Variants in TAS1R1 observed in about 807,000 individuals in gnomAD.
TAS1R1 encodes taste receptor type 1 member 1.
TAS1R1 carries 31 observed loss-of-function variants against 45.8 expected under a neutral mutation model. That is an observed-to-expected ratio of 0.68 (90% CI 0.51 to 0.91). The LOEUF is 0.91. Ranked by LOEUF, TAS1R1 falls within the 40% of genes least tolerant of loss-of-function variation. The pLI, the probability that TAS1R1 is intolerant of heterozygous loss-of-function variation, is 0.00. For synonymous variants in TAS1R1, 437 were observed against 448.4 expected, an observed-to-expected ratio of 0.97 and a Z score of 0.32; for missense variants, 1,051 against 1,063.9, an observed-to-expected ratio of 0.99 and a Z score of 0.17.
intron 1 of TAS1R1, 106 bp from the exon 2 acceptor site, chr1:6,570,803 T>C: frequency 9.8e-7 from 1 of 1,025,174 alleles, no homozygotes; most frequent in Non-Finnish European, 1.4e-6. Context: ...ACTGGACCGA[T>C]GACCTCAAAG....
In TAS1R1 at chr1:6,578,707, A is replaced by C. The variant is rs1490815422; in HGVS notation, c.1649A>C (p.Gln550Pro). 1 of 1,607,960 alleles carries C rather than the reference A, an allele frequency of 6.2e-7. No individual in the cohort carries two copies. Among genetic ancestry groups the C allele is most frequent in the Non-Finnish European group, 8.5e-7 (1 of 1,176,006 alleles). ...GKEEWAPEGS[Q>P]TCFPRTVVFL... ...GAAGAGTGGGCACCTGAGGGAAGCC[A>C]GACCTGCTTCCCGCGCACTGTGGTG... Residue 550 changes from glutamine to proline, a missense_variant, in exon 6 of 6, where the codon CAG becomes CCG. Transcript: ENST00000333172.
At chr1:6,577,814 G>C (rs1640223927) in intron 5 of TAS1R1, among the ~76,000 whole-genome samples, 2 of 152,104 alleles carry the variant, frequency 1.3e-5, no homozygotes. Context: ...GGCGACAAGA[G>C]AAAAACTCTG....
chr1:6,575,518 T>TTTTGA, intron 3 of TAS1R1, 126 bp downstream of exon 3: 1 of 1,119,624 alleles, frequency 8.9e-7, no homozygotes, highest in Admixed American at 3.3e-5. Flanking sequence ...AGGTTTTTTG[T>TTTTGA]TTTGTTTTGT....
At position 6,574,673 on chromosome 1, in the gene TAS1R1, C is replaced by G. The variant is rs74049682; in HGVS notation, c.541C>G (p.Gln181Glu). The change falls in exon 3 of 6, where the codon CAG (glutamine) becomes GAG (glutamate). Residue 181 changes from glutamine to glutamate, a missense_variant. Transcript: ENST00000333172. The surrounding 1 kb of genome is among the most constrained non-coding windows in gnomAD (Gnocchi z 4.3). The stretch of plus-strand genomic sequence containing the variant: ...CAGCGAGACGCTCAGCGTGAAGCGG[C>G]AGTATCCCTCTTTCCTGCGCACCAT... ...ASSETLSVKR[Q>E]YPSFLRTIPN... 1,805 of 1,613,264 alleles carry G rather than the reference C, an allele frequency of 1.1e-3. 20 individuals carry two copies. In the African/African-American group the frequency reaches 0.021, roughly 19 times the overall value.
At chr1:6,558,894 CTTT>C (rs780826392) in intron 1 of TAS1R1, among the ~76,000 whole-genome samples, 3 of 139,974 alleles carry the variant, frequency 2.1e-5, no homozygotes, top group Non-Finnish European at 3.1e-5. Flanking sequence ...AATTTTTGTA[CTTT>C]TTTTTTTTTT....
At chr1:6,562,448 A>G (rs559367797) in intron 1 of TAS1R1, among the ~76,000 whole-genome samples, 91 of 152,194 alleles carry the variant, frequency 6.0e-4, no homozygotes, top group African/African-American at 1.4e-3. Context: ...GATTACAGGC[A>G]TGAGCCACCG....
chr1:6,575,426 G>T, intron 3 of TAS1R1, 34 bp downstream of exon 3: 1 of 1,520,232 alleles, frequency 6.6e-7, no homozygotes, highest in South Asian at 1.3e-5. Context: ...TCCTGTCAGG[G>T]AGAACAGCCA....
At chr1:6,558,036 G>GTTTTTTTTTTTTTTT (rs779773064) in intron 1 of TAS1R1, among the ~76,000 whole-genome samples, 1 of 140,822 alleles carries the variant, frequency 7.1e-6, no homozygotes, top group Non-Finnish European at 1.5e-5. Flanking sequence ...GTAGTGGTTA[G>GTTTTTTTTTTTTTTT]TTTTTGTTTT....
chr1:6,576,630 A>G lies in TAS1R1; in HGVS notation c.1473+3A>G. On this transcript the variant is annotated splice_donor_region_variant and intron_variant, in intron 4 of 5. Coordinates refer to ENST00000333172, the MANE Select transcript of TAS1R1 (RefSeq NM_138697.4). ...AGTGGCACGGAAAGGACAACCAGGT[A>G]ATGGGGATGTGGCTACTCACCATGT... 1.2e-6 allele frequency: 2 copies of G among 1,612,370 alleles called. No individual in the cohort carries two copies. The highest frequency in any genetic ancestry group is 1.7e-6 in the Non-Finnish European group (2 of 1,178,978).
At chr1:6,565,296 G>C (rs1441879272) in intron 1 of TAS1R1, among the ~76,000 whole-genome samples, 3 of 152,038 alleles carry the variant, frequency 2.0e-5, no homozygotes, top group Non-Finnish European at 4.4e-5. Context: ...TGGAGAAAGG[G>C]CACTTAGTGC....
intron 1 of TAS1R1, among the ~76,000 whole-genome samples, chr1:6,558,062 T>TC (rs1639717952): frequency 6.6e-6 from 1 of 151,290 alleles, no homozygotes; most frequent in African/African-American, 2.4e-5. Flanking sequence ...TTGTTTTTTT[T>TC]CTGAGACAGG....
At chr1:6,558,781 C>T (rs575610354) in intron 1 of TAS1R1, among the ~76,000 whole-genome samples, 33 of 152,098 alleles carry the variant, frequency 2.2e-4, no homozygotes, top group African/African-American at 7.0e-4. Context: ...CCAACTGCTG[C>T]GATCTTGGCT....
chr1:6,569,453 G>A (rs914672542), intron 1 of TAS1R1, among the ~76,000 whole-genome samples: 2 of 152,188 alleles, frequency 1.3e-5, no homozygotes, highest in African/African-American at 4.8e-5. Flanking sequence ...CGGGCCATTG[G>A]GAGCTATTGT....
At position 6,555,866 on chromosome 1, in the gene TAS1R1, C is replaced by CCTT. The variant is rs1553185410; in HGVS notation, c.191+302_191+303insCTT. The stretch of plus-strand genomic sequence containing the variant: ...AAGCAAGGGCAGCTTTTTCCCTCTT[C>CCTT]TTTTTTTTTTTTTTTTTTTTTTTGA... On this transcript the variant is annotated intron_variant, in intron 1 of 5. Coordinates refer to ENST00000333172, the MANE Select transcript of TAS1R1 (RefSeq NM_138697.4). 1.2e-4 allele frequency among the ~76,000 whole-genome samples: 11 copies of CCTT among 95,304 alleles called. No individual in the cohort carries two copies. The East Asian group carries it at 1.4e-3, about 12-fold the overall frequency. The allele number at this position is 95,304 out of a possible 152,430, so 62.5% of individuals were successfully genotyped here.
At chr1:6,577,719 T>G (rs916861259) in intron 5 of TAS1R1, among the ~76,000 whole-genome samples, 1 of 151,802 alleles carries the variant, frequency 6.6e-6, no homozygotes, top group Admixed American at 6.6e-5. Flanking sequence ...TTCCAGCTAC[T>G]CGGGAGGCTG....
At chr1:6,555,630 A>G (rs925745) in intron 1 of TAS1R1, 66 bp downstream of exon 1, 1,226,621 of 1,445,404 alleles carry the variant, frequency 0.85, 525,761 homozygotes, top group Admixed American at 0.88. Flanking sequence ...TCTGGCTGCC[A>G]TCCTCCAAAC....
intron 1 of TAS1R1, among the ~76,000 whole-genome samples, chr1:6,566,830 C>T (rs966690243): frequency 3.9e-5 from 6 of 152,172 alleles, no homozygotes; most frequent in Non-Finnish European, 7.3e-5. Flanking sequence ...CTCCTGACCT[C>T]GTGATCTGCC....
chr1:6,560,817 C>G (rs536684314), intron 1 of TAS1R1, among the ~76,000 whole-genome samples: 1 of 151,876 alleles, frequency 6.6e-6, no homozygotes, highest in Non-Finnish European at 1.5e-5. Context: ...CCCGTCTCTA[C>G]AAAAAATACA....
At chr1:6,573,656 ATTTT>A (rs1640079349) in intron 2 of TAS1R1, among the ~76,000 whole-genome samples, 2 of 150,916 alleles carry the variant, frequency 1.3e-5, no homozygotes, top group African/African-American at 4.9e-5. Flanking sequence ...TTATTTATTT[ATTTT>A]TATTTTTATT....
Sources: gnomAD v4.1 joint callset for allele counts (sites outside exome capture counted in the v4.1 genomes callset) on GRCh38, gnomAD v4.1.1 for gene constraint, Gnocchi (gnomAD v3.1) non-coding constraint, MANE v1.5 for transcripts, NCBI Gene and HGNC (gene_info 2026-07-23, HGNC 2026-07-21) for gene names.